ZNF106: variants seen among roughly 807,000 people sequenced by gnomAD.
The protein encoded by ZNF106 is SH3-domain binding protein 3.
In ZNF106, 67 loss-of-function variants were observed where a neutral mutation model predicts 195.1. That is an observed-to-expected ratio of 0.34 (90% CI 0.28 to 0.42). ZNF106 has a LOEUF of 0.42. Among genes scored for constraint, ZNF106 ranks in the 10% least tolerant of loss-of-function variants. The pLI is 1.00. For missense variants in ZNF106, 2,118 were observed against 2,304.5 expected (o/e 0.92, Z 1.66); for synonymous variants, 784 against 818.6 (o/e 0.96, Z 0.72).
rs1386093040 is a variant in ZNF106 at position 42,489,068 on chromosome 15, GCTCT to G, written c.-33+1908_-33+1911del. Among the ~76,000 whole-genome samples, 26 of 137,270 alleles carry G rather than the reference GCTCT, an allele frequency of 1.9e-4. No homozygotes were observed. The East Asian group carries it at 2.5e-3, about 13-fold the overall frequency. 90.1% of individuals were successfully genotyped at this position (137,270 alleles called of 152,430 possible). On this transcript the variant is annotated intron_variant, in intron 1 of 21. Coordinates refer to ENST00000564754, the MANE Select transcript of ZNF106 (RefSeq NM_001366845.3). ...ACTCCAGCCTGGGCGACAAAGCAAG[GCTCT>G]CTCTAAAAAAAAAAAAAAACAACAC...
At chr15:42,443,805 C>T (rs373813263) in intron 9 of ZNF106, among the ~76,000 whole-genome samples, 2 of 151,930 alleles carry the variant, frequency 1.3e-5, no homozygotes, top group South Asian at 2.1e-4. Flanking sequence ...TACTTTTCAT[C>T]CCCTCAAAGA....
chr15:42,444,739 T>C, intron 8 of ZNF106, 88 bp downstream of exon 8: 1 of 1,538,472 alleles, frequency 6.5e-7, no homozygotes, highest in Non-Finnish European at 8.8e-7. Flanking sequence ...TGCCATTGCT[T>C]TTGGGGTGAC....
intron 4 of ZNF106, 138 bp from the exon 5 acceptor site, chr15:42,452,092 G>T: frequency 1.2e-6 from 1 of 842,436 alleles, no homozygotes; most frequent in Non-Finnish European, 1.8e-6. Context: ...ATATCTAATA[G>T]TGGTTGTTTT....
In ZNF106 at chr15:42,442,320, T is replaced by C; in HGVS notation, c.3516A>G (p.Ala1172=). ...NSRSQTSIDA[A]LLPTPFFPLF... The stretch of plus-strand genomic sequence containing the variant: ...GTGGGAAAAAGGGAGTGGGCAGCAG[T>C]GCGGCATCAATGGATGTTTGAGATC... Residue 1172 remains alanine (A), a synonymous_variant, in exon 10 of 22, where the codon GCA becomes GCG. Transcript: ENST00000564754. The C allele has an allele frequency of 6.2e-7, 1 of 1,614,146 alleles. No individual in the cohort carries two copies. Among genetic ancestry groups the C allele is most frequent in the Non-Finnish European group, 8.5e-7 (1 of 1,180,024 alleles).
intron 10 of ZNF106, among the ~76,000 whole-genome samples, chr15:42,441,022 T>A (rs1379311167): frequency 0.093 from 4,685 of 50,362 alleles, 671 homozygotes; most frequent in African/African-American, 0.16. Flanking sequence ...TATATATATA[T>A]ATATATATAT....
Position 42,466,038 on chromosome 15 carries a change from G to C in ZNF106, c.116+15C>G, listed in dbSNP as rs566946215. 5.2e-6 allele frequency: 8 copies of C among 1,531,108 alleles called. No homozygotes were observed. Among genetic ancestry groups the C allele is most frequent in the Non-Finnish European group, 6.1e-6 (7 of 1,144,750 alleles). The allele number at this position is 1,531,108 out of a possible 1,614,324, so 94.8% of individuals were successfully genotyped here. A position where few individuals can be genotyped will look rare whatever the true frequency, so the allele number is the denominator to read the frequency against. ...CCCACATTCACAAACTTATGGAAGA[G>C]AGCCGTTCCCATACCTGCCCTTGAG... On this transcript the variant is annotated intron_variant, in intron 3 of 21. Transcript: ENST00000564754.
chr15:42,421,860 G>C (rs1216790449), intron 19 of ZNF106, 57 bp downstream of exon 19: 43 of 1,439,086 alleles, frequency 3.0e-5, no homozygotes, highest in Non-Finnish European at 3.8e-5. Context: ...GAAGTGACAA[G>C]AATTTTTTAG....
chr15:42,429,048 C>T (rs1456611473), intron 14 of ZNF106, among the ~76,000 whole-genome samples: 3 of 151,538 alleles, frequency 2.0e-5, no homozygotes, highest in Non-Finnish European at 2.9e-5. Context: ...CCACTGTGCC[C>T]GGCCAGAAAA....
chr15:42,479,989 C>T (rs2056866965), intron 1 of ZNF106, among the ~76,000 whole-genome samples: 1 of 152,138 alleles, frequency 6.6e-6, no homozygotes, highest in Non-Finnish European at 1.5e-5. Context: ...TAGCTAGGAC[C>T]ATGGGCACAT....
intron 10 of ZNF106, 73 bp from the exon 11 acceptor site, chr15:42,439,886 C>T: frequency 7.1e-7 from 1 of 1,406,820 alleles, no homozygotes; most frequent in Non-Finnish European, 9.4e-7. Flanking sequence ...TGAAACTCTA[C>T]CAAATATTTC....
chr15:42,425,037 G>T lies in ZNF106; in HGVS notation c.4999-12C>A. ...AGTCGTTTGTTGTTCTGGAAAATAA[G>T]CCAAGATTACAGCTAAAACCAACTT... On this transcript the variant is annotated splice_polypyrimidine_tract_variant and intron_variant, in intron 15 of 21. Coordinates refer to ENST00000564754, the MANE Select transcript of ZNF106 (RefSeq NM_001366845.3). 2 of 1,611,466 alleles carry T rather than the reference G, an allele frequency of 1.2e-6. No individual in the cohort carries two copies. The highest frequency in any genetic ancestry group is 1.7e-6 in the Non-Finnish European group (2 of 1,178,202).
intron 10 of ZNF106, chr15:42,441,835 T>C (rs1389293572): frequency 1.4e-5 from 5 of 350,064 alleles, no homozygotes; most frequent in African/African-American, 2.1e-5. Flanking sequence ...TGGGTGCTAA[T>C]ACAAAGTCAA....
intron 17 of ZNF106, 51 bp downstream of exon 17, chr15:42,423,947 T>A: frequency 6.5e-7 from 1 of 1,533,682 alleles, no homozygotes; most frequent in Non-Finnish European, 8.8e-7. Flanking sequence ...CCATCAAGCT[T>A]TAACCATTAT....
At chr15:42,419,532 A>T (rs1409858654) in intron 20 of ZNF106, among the ~76,000 whole-genome samples, 1 of 151,978 alleles carries the variant, frequency 6.6e-6, no homozygotes, top group Non-Finnish European at 1.5e-5. Flanking sequence ...TAACATAACA[A>T]GACCCTGTCT....
At chr15:42,467,903 T>C (rs2056558941) in intron 2 of ZNF106, among the ~76,000 whole-genome samples, 2 of 152,164 alleles carry the variant, frequency 1.3e-5, no homozygotes, top group Admixed American at 6.5e-5. Context: ...CAGGCAGATC[T>C]GACACCAAAG....
intron 1 of ZNF106, among the ~76,000 whole-genome samples, chr15:42,476,343 T>A (rs1191244823): frequency 6.6e-6 from 1 of 152,202 alleles, no homozygotes; most frequent in Non-Finnish European, 1.5e-5. Context: ...ACCACTGCTC[T>A]TTTTAAAGGC....
chr15:42,415,207 T>A lies in ZNF106; in HGVS notation c.*2097A>T. 4.1e-6 allele frequency: 1 copy of A among 245,142 alleles called. No individual in the cohort carries two copies. Among genetic ancestry groups the A allele is most frequent in the Non-Finnish European group, 8.3e-6 (1 of 120,538 alleles). 15.2% of individuals were successfully genotyped at this position (245,142 alleles called of 1,614,324 possible). A position where few individuals can be genotyped will look rare whatever the true frequency, so the allele number is the denominator to read the frequency against. On this transcript the variant is annotated 3_prime_UTR_variant, in exon 22 of 22. Transcript: ENST00000564754. ...TATGATCTTGGCTCACTGCAACTTC[T>A]ACCTCCAGGGTTCAAGTGATTCTCC...
rs1595437509 is a variant in ZNF106, at chr15:42,426,507, C to T, written c.4999-1482G>A. The stretch of plus-strand genomic sequence containing the variant: ...CTTGAAGTCCTGGCCCCAAGCAATC[C>T]ACCTGCCTCAGCTTCCTGAGTAGCT... On this transcript the variant is annotated intron_variant, in intron 15 of 21. Transcript: ENST00000564754. Among the ~76,000 whole-genome samples, 7 of 151,804 alleles carry T rather than the reference C, an allele frequency of 4.6e-5. No homozygotes were observed. The South Asian group carries it at 1.5e-3, about 32-fold the overall frequency.
intron 4 of ZNF106, among the ~76,000 whole-genome samples, chr15:42,453,895 C>A (rs1417369755): frequency 6.6e-6 from 1 of 152,092 alleles, no homozygotes; most frequent in Non-Finnish European, 1.5e-5. Flanking sequence ...TCTTATTATT[C>A]CTACTTTATA....
Sources: allele counts gnomAD v4.1 joint callset (sites outside exome capture counted in the v4.1 genomes callset), GRCh38; gene constraint gnomAD v4.1.1; transcripts MANE v1.5; gene names NCBI Gene and HGNC (gene_info 2026-07-23, HGNC 2026-07-21).